Variants in ADGRA2 observed in about 807,000 individuals in gnomAD.
ADGRA2 encodes G-protein coupled receptor 124.
Under a neutral mutation model 98.7 loss-of-function variants are expected in ADGRA2, and 61 were observed. The observed-to-expected ratio is 0.62, with a 90% CI of 0.50 to 0.76. The LOEUF (loss-of-function observed/expected upper bound fraction) is 0.76, where lower values mean the gene tolerates loss of function less well. ADGRA2 is among the 30% of genes least tolerant of loss of function. The pLI is 0.00. For synonymous variants in ADGRA2, 858 were observed against 831.5 expected (o/e 1.03, Z -0.55); for missense variants, 1,712 against 1,860.0 (o/e 0.92, Z 1.46).
intron 12 of ADGRA2, 59 bp from the exon 13 acceptor site, chr8:37,835,495 C>A: frequency 6.7e-7 from 1 of 1,492,608 alleles, no homozygotes; most frequent in South Asian, 1.1e-5. Context: ...GAGGGGGCTG[C>A]AAGACATCAG....
In ADGRA2 at chr8:37,841,003, T is replaced by A; in HGVS notation, c.2748-83T>A. 7.3e-7 allele frequency: 1 copy of A among 1,373,992 alleles called. No individual in the cohort carries two copies. Among genetic ancestry groups the A allele is most frequent in the Non-Finnish European group, 1.0e-6 (1 of 990,430 alleles). 85.1% of individuals were successfully genotyped at this position (1,373,992 alleles called of 1,614,324 possible). On this transcript the variant is annotated intron_variant, in intron 18 of 18. Coordinates refer to ENST00000412232, the MANE Select transcript of ADGRA2 (RefSeq NM_032777.10). The surrounding 1 kb of genome is among the most constrained non-coding windows in gnomAD (Gnocchi z 5.0). The stretch of plus-strand genomic sequence containing the variant: ...CGTCCTTGTCTCCGTACTCACCATA[T>A]CCTGTCTCCCCAACCACCCCGGCCC...
chr8:37,822,085 T>C (rs899860154), intron 2 of ADGRA2, among the ~76,000 whole-genome samples: 1 of 152,140 alleles, frequency 6.6e-6, no homozygotes, highest in Non-Finnish European at 1.5e-5. Flanking sequence ...CCCCCATGCC[T>C]GGCATGGGGT....
Position 37,829,472 on chromosome 8 carries a change from C to T in ADGRA2, c.483-16C>T, listed in dbSNP as rs1380808837. On this transcript the variant is annotated splice_polypyrimidine_tract_variant and intron_variant, in intron 4 of 18. Coordinates refer to ENST00000412232, the MANE Select transcript of ADGRA2 (RefSeq NM_032777.10). ...CACCCTAAGACCCCATCTCAGTTGT[C>T]CCCTGTTCCCTGCAGAAACATATCT... 2 of 1,608,748 alleles carry T rather than the reference C, an allele frequency of 1.2e-6. No individual in the cohort carries two copies. Among genetic ancestry groups the T allele is most frequent in the Admixed American group, 1.7e-5 (1 of 60,024 alleles).
At chr8:37,812,871 G>A (rs115081929) in intron 1 of ADGRA2, among the ~76,000 whole-genome samples, 4,281 of 151,360 alleles carry the variant, frequency 0.028, 158 homozygotes, top group East Asian at 0.19. Context: ...TATTTATTTC[G>A]TAGAGACAGA....
rs1224104547 is a variant in ADGRA2 at position 37,834,253 on chromosome 8, G to A, written c.1608+125G>A. Reference sequence around the variant, plus strand: ...GACGTGACAAAGTTCTGAGCCATGGGGTTCACTTCCAAGTTGTCAGGGGCA... The same window carrying A: ...GACGTGACAAAGTTCTGAGCCATGGAGTTCACTTCCAAGTTGTCAGGGGCA... On this transcript the variant is annotated intron_variant, in intron 11 of 18. Transcript: ENST00000412232. This position sits in a 1 kb window ranked among gnomAD's most constrained non-coding sequence, Gnocchi z 4.2. 2.2e-6 allele frequency: 2 copies of A among 928,424 alleles called. No individual in the cohort carries two copies. The highest frequency in any genetic ancestry group is 3.2e-6 in the Non-Finnish European group (2 of 631,604). The allele number at this position is 928,424 out of a possible 1,614,324, so 57.5% of individuals were successfully genotyped here.
chr8:37,840,662 G>A, intron 17 of ADGRA2, 98 bp from the exon 18 acceptor site: 1 of 730,372 alleles, frequency 1.4e-6, no homozygotes, highest in South Asian at 1.5e-5. Flanking sequence ...AAAGGGGAAA[G>A]AGGATGGGAC....
intron 14 of ADGRA2, among the ~76,000 whole-genome samples, chr8:37,838,527 A>G (rs1277741124): frequency 6.6e-6 from 1 of 152,136 alleles, no homozygotes; most frequent in African/African-American, 2.4e-5. Context: ...TGCTGGGATT[A>G]TAGGCATGAG....
In ADGRA2 at chr8:37,809,597, T is replaced by C. The variant is rs557565408; in HGVS notation, c.267-5299T>C. ...AAGGGGGCCCCTTGGAGGAGAAGGATGAAAAGGCCTTTGCCTGGTGCCTGC... is the reference window on the plus strand; with the variant it reads ...AAGGGGGCCCCTTGGAGGAGAAGGACGAAAAGGCCTTTGCCTGGTGCCTGC... On this transcript the variant is annotated intron_variant, in intron 1 of 18. Coordinates refer to ENST00000412232, the MANE Select transcript of ADGRA2 (RefSeq NM_032777.10). Among the ~76,000 whole-genome samples, 7 of 152,310 alleles carry C rather than the reference T, an allele frequency of 4.6e-5. No homozygotes were observed. The South Asian group carries it at 1.5e-3, about 32-fold the overall frequency.
chr8:37,822,786 C>T (rs1032248343), intron 2 of ADGRA2, among the ~76,000 whole-genome samples: 7 of 152,180 alleles, frequency 4.6e-5, no homozygotes, highest in African/African-American at 1.4e-4. Flanking sequence ...CATGTTATAG[C>T]ACGTATCAGC....
At chr8:37,831,283 T>A in intron 7 of ADGRA2, 140 bp from the exon 8 acceptor site, 1 of 737,144 alleles carries the variant, frequency 1.4e-6, no homozygotes, top group Admixed American at 2.6e-5. Context: ...CCAATCAGAA[T>A]AAAAGGAGTG....
chr8:37,832,117 GA>G (rs1265000064), intron 8 of ADGRA2, among the ~76,000 whole-genome samples: 1 of 102,288 alleles, frequency 9.8e-6, no homozygotes, highest in African/African-American at 4.2e-5. Flanking sequence ...TGCAGAAAAA[GA>G]CTTTTTTTTT....
intron 2 of ADGRA2, among the ~76,000 whole-genome samples, chr8:37,816,315 G>A (rs997415352): frequency 6.6e-6 from 1 of 151,674 alleles, no homozygotes; most frequent in Admixed American, 6.6e-5. Flanking sequence ...CACTTAGGCC[G>A]GGCGCGGTGG....
chr8:37,802,497 A>G lies in ADGRA2; in HGVS notation c.266+4963A>G, dbSNP rs1468830958. Among the ~76,000 whole-genome samples the G allele has an allele frequency of 6.6e-6, 1 of 152,188 alleles. No homozygotes were observed. The highest frequency in any genetic ancestry group is 1.5e-5 in the Non-Finnish European group (1 of 68,030). ...AGAAGAGAGGGAAGAGGCCAGAGACAGAGAAGGCCAGAGCAAGCCCAGAGA... is the reference window on the plus strand; with the variant it reads ...AGAAGAGAGGGAAGAGGCCAGAGACGGAGAAGGCCAGAGCAAGCCCAGAGA... On this transcript the variant is annotated intron_variant, in intron 1 of 18. Coordinates refer to ENST00000412232, the MANE Select transcript of ADGRA2 (RefSeq NM_032777.10). The surrounding 1 kb of genome is among the most constrained non-coding windows in gnomAD (Gnocchi z 4.7).
At chr8:37,839,125 G>A (rs1199590233) in intron 15 of ADGRA2, 42 bp downstream of exon 15, 9 of 1,608,730 alleles carry the variant, frequency 5.6e-6, no homozygotes, top group Non-Finnish European at 6.8e-6. Context: ...GGGCAGGCAT[G>A]GAAGGGGCCC....
In ADGRA2 at chr8:37,824,143, T is replaced by C. The variant is rs922462639; in HGVS notation, c.339-4745T>C. On this transcript the variant is annotated intron_variant, in intron 2 of 18. Coordinates refer to ENST00000412232, the MANE Select transcript of ADGRA2 (RefSeq NM_032777.10). ...GCCTCCTGGGTTCAAGTGATTCTCC[T>C]GCCTCTGCTTCCTGAATAGCTGGGA... 2.0e-5 allele frequency among the ~76,000 whole-genome samples: 3 copies of C among 152,174 alleles called. No homozygotes were observed. The East Asian group carries it at 5.8e-4, about 29-fold the overall frequency.
At chr8:37,839,835 G>A (rs1173216004) in intron 16 of ADGRA2, among the ~76,000 whole-genome samples, 1 of 152,102 alleles carries the variant, frequency 6.6e-6, no homozygotes, top group Non-Finnish European at 1.5e-5. Flanking sequence ...ATGGGAGATG[G>A]GCTTCAAAGT....
chr8:37,797,570 G>A lies in ADGRA2; in HGVS notation c.266+36G>A, dbSNP rs750960993. 1 of 1,329,488 alleles carries A rather than the reference G, an allele frequency of 7.5e-7. No homozygotes were observed. Among genetic ancestry groups the A allele is most frequent in the Admixed American group, 3.4e-5 (1 of 29,432 alleles). 82.4% of individuals were successfully genotyped at this position (1,329,488 alleles called of 1,614,324 possible). On this transcript the variant is annotated intron_variant, in intron 1 of 18. Coordinates refer to ENST00000412232, the MANE Select transcript of ADGRA2 (RefSeq NM_032777.10). This position sits in a 1 kb window ranked among gnomAD's most constrained non-coding sequence, Gnocchi z 5.3. ...TACCAGGCCAGTTCCGTCCGAGCCG[G>A]GACTGGGGACGAAGGGAGGCGAGAC...
intron 1 of ADGRA2, among the ~76,000 whole-genome samples, chr8:37,799,391 G>T (rs201881837): frequency 6.9e-6 from 1 of 145,794 alleles, no homozygotes; most frequent in Non-Finnish European, 1.5e-5. Context: ...AAAAAAAAAA[G>T]AATTCAGAGC....
chr8:37,819,962 C>G (rs191912415), intron 2 of ADGRA2, among the ~76,000 whole-genome samples: 2 of 152,284 alleles, frequency 1.3e-5, no homozygotes, highest in African/African-American at 4.8e-5. Flanking sequence ...TGAGCCACCA[C>G]GTCTGGCCAT....
Sources: allele counts gnomAD v4.1 joint callset (sites outside exome capture counted in the v4.1 genomes callset), GRCh38; gene constraint gnomAD v4.1.1; non-coding constraint Gnocchi (gnomAD v3.1); transcripts MANE v1.5; gene names NCBI Gene and HGNC (gene_info 2026-07-23, HGNC 2026-07-21).